RYR1: variants seen among roughly 807,000 people sequenced by gnomAD.
RYR1 encodes the protein ryanodine receptor 1, also known as central core disease of muscle.
RYR1 carries 342 observed loss-of-function variants against 583.5 expected under a neutral mutation model. That is an observed-to-expected ratio of 0.59 (90% CI 0.54 to 0.64). RYR1 has a LOEUF of 0.64. Ranked by LOEUF, RYR1 falls within the 30% of genes least tolerant of loss-of-function variation. The pLI, the probability that RYR1 is intolerant of heterozygous loss-of-function variation, is 0.00. For missense variants in RYR1, 6,032 were observed against 6,917.2 expected, an observed-to-expected ratio of 0.87 and a Z score of 4.54; for synonymous variants, 2,791 against 2,822.5, an observed-to-expected ratio of 0.99 and a Z score of 0.35.
Position 38,488,919 on chromosome 19 carries a change from C to T in RYR1, c.5548-258C>T, listed in dbSNP as rs191016908. Among the ~76,000 whole-genome samples the T allele has an allele frequency of 3.1e-3, 470 of 152,284 alleles. No individual in the cohort carries two copies. Among genetic ancestry groups the T allele is most frequent in the African/African-American group, 0.011 (458 of 41,552 alleles). On this transcript the variant is annotated intron_variant, in intron 34 of 105. Coordinates refer to ENST00000359596, the MANE Select transcript of RYR1 (RefSeq NM_000540.3). ...GCTTAGGCTTGGGAGAAAGGACACTCGCCTGTGATGGGAGAGGCACTCATA... is the reference window on the plus strand; with the variant it reads ...GCTTAGGCTTGGGAGAAAGGACACTTGCCTGTGATGGGAGAGGCACTCATA...
chr19:38,555,855 A>G (rs1455066732), intron 89 of RYR1, among the ~76,000 whole-genome samples: 1 of 152,106 alleles, frequency 6.6e-6, no homozygotes, highest in Admixed American at 6.5e-5. Context: ...AGCAATATGT[A>G]TATTTTTAAA....
At position 38,494,468 on chromosome 19, in the gene RYR1, C is replaced by T. The variant is rs776859251; in HGVS notation, c.6391C>T (p.Leu2131=). 1.7e-5 allele frequency: 27 copies of T among 1,612,784 alleles called. No individual in the cohort carries two copies. Among genetic ancestry groups the T allele is most frequent in the Non-Finnish European group, 2.0e-5 (24 of 1,180,028 alleles). ...FSLLHRQYDG[L]GELLRALPRA... is the part of the protein sequence containing the mutation. Reference sequence around the variant, plus strand: ...CCTCCTGCACCGGCAGTACGACGGGCTGGGTGAGCTGCTGCGTGCCCTGCC... The same window carrying T: ...CCTCCTGCACCGGCAGTACGACGGGTTGGGTGAGCTGCTGCGTGCCCTGCC... Residue 2131 remains leucine (L), a synonymous_variant, in exon 39 of 106, where the codon CTG becomes TTG. Coordinates refer to ENST00000359596, the MANE Select transcript of RYR1 (RefSeq NM_000540.3).
chr19:38,497,967 C>T (rs1969923015), intron 42 of RYR1, among the ~76,000 whole-genome samples: 1 of 151,662 alleles, frequency 6.6e-6, no homozygotes, highest in Non-Finnish European at 1.5e-5. Context: ...GAGCGAGACC[C>T]CTTAAAAAAA....
intron 56 of RYR1, 134 bp from the exon 57 acceptor site, chr19:38,506,689 GAGCACC>G: frequency 6.7e-7 from 1 of 1,487,924 alleles, no homozygotes; most frequent in Non-Finnish European, 9.2e-7. Flanking sequence ...GTAATGAGAT[GAGCACC>G]AGCAAGCAAT....
intron 25 of RYR1, 149 bp downstream of exon 25, chr19:38,467,961 A>T: frequency 1.4e-6 from 1 of 697,476 alleles, no homozygotes; most frequent in Non-Finnish European, 2.5e-6. Context: ...CATCCATTCA[A>T]CCAATGATTC....
chr19:38,502,827 G>A (rs983279040), intron 48 of RYR1, 53 bp from the exon 49 acceptor site: 3 of 1,555,002 alleles, frequency 1.9e-6, no homozygotes, highest in South Asian at 1.2e-5. Context: ...AGGGGCAGGG[G>A]CAGCAGAGCG....
intron 57 of RYR1, 121 bp from the exon 58 acceptor site, chr19:38,507,591 A>G (rs1970530653): frequency 1.1e-5 from 8 of 740,466 alleles, no homozygotes; most frequent in Non-Finnish European, 1.0e-5. Flanking sequence ...TGGAGCCCCA[A>G]CCTGGGGTGA....
intron 20 of RYR1, among the ~76,000 whole-genome samples, chr19:38,461,721 G>GGAA (rs1568456198): frequency 1.3e-5 from 1 of 75,108 alleles, no homozygotes; most frequent in Non-Finnish European, 2.4e-5. Context: ...GCAAAACCCT[G>GGAA]AAAAAAAAAA....
chr19:38,583,599 C>G (rs1974315912), intron 101 of RYR1, among the ~76,000 whole-genome samples: 1 of 152,090 alleles, frequency 6.6e-6, no homozygotes, highest in South Asian at 2.1e-4. Context: ...GTCGAATCAC[C>G]CTGCCGTGGC....
intron 23 of RYR1, among the ~76,000 whole-genome samples, 154 bp downstream of exon 23, chr19:38,464,876 G>T (rs1450213513): frequency 6.6e-6 from 1 of 151,990 alleles, no homozygotes; most frequent in African/African-American, 2.4e-5. Flanking sequence ...CAGGGCTCTG[G>T]GGTCAGAGGT....
chr19:38,536,120 A>T, intron 82 of RYR1, 50 bp downstream of exon 82: 1 of 1,397,008 alleles, frequency 7.2e-7, no homozygotes, highest in South Asian at 1.2e-5. Flanking sequence ...TTCCTTTGGG[A>T]TTCCTCCCAC....
chr19:38,464,374 A>G lies in RYR1; in HGVS notation c.2787-265A>G, dbSNP rs75609634. On this transcript the variant is annotated intron_variant, in intron 22 of 105. Transcript: ENST00000359596. ...AGAGAGAAAGAAAAGGTGGGGATGG[A>G]AAGAGAGAGAGATGCAGAAAGAGAC... 0.029 allele frequency among the ~76,000 whole-genome samples: 4,342 copies of G among 151,420 alleles called. 205 individuals carry two copies. Among genetic ancestry groups the G allele is most frequent in the African/African-American group, 0.1 (4,110 of 41,276 alleles).
At chr19:38,518,753 A>T (rs1421602890) in intron 66 of RYR1, among the ~76,000 whole-genome samples, 1 of 152,062 alleles carries the variant, frequency 6.6e-6, no homozygotes, top group African/African-American at 2.4e-5. Context: ...ACATGGTGAA[A>T]CCCCATCTCT....
intron 48 of RYR1, 74 bp from the exon 49 acceptor site, chr19:38,502,806 G>C: frequency 9.3e-7 from 1 of 1,073,696 alleles, no homozygotes; most frequent in East Asian, 3.7e-5. Flanking sequence ...GGCAGGGGCA[G>C]GGGGAGGAGC....
At chr19:38,585,910 G>A (rs768110165) in intron 102 of RYR1, 28 bp from the exon 103 acceptor site, 55 of 1,613,912 alleles carry the variant, frequency 3.4e-5, no homozygotes, top group Non-Finnish European at 4.3e-5. Context: ...TCAGAGGTCG[G>A]GCACTGACTT....
rs140356628 is a variant in RYR1 at position 38,570,959 on chromosome 19, C to T, written c.13746+266C>T. Among the ~76,000 whole-genome samples, 1,022 of 152,348 alleles carry T rather than the reference C, an allele frequency of 6.7e-3. 9 individuals are homozygous for T. The highest frequency in any genetic ancestry group is 0.02 in the African/African-American group (839 of 41,570). On this transcript the variant is annotated intron_variant, in intron 94 of 105. Coordinates refer to ENST00000359596, the MANE Select transcript of RYR1 (RefSeq NM_000540.3). ...CAGGAGCTGAGTTCTCTGCTCAGCT[C>T]GGCCACATGCCAGTCCTGTGCGCCT...
chr19:38,476,591 C>T (rs1423145088), intron 29 of RYR1, among the ~76,000 whole-genome samples: 1 of 152,102 alleles, frequency 6.6e-6, no homozygotes, highest in Non-Finnish European at 1.5e-5. Flanking sequence ...CCTCAGACTC[C>T]CAAAGTACTG....
intron 11 of RYR1, among the ~76,000 whole-genome samples, chr19:38,449,412 T>TATC (rs1444970793): frequency 6.6e-6 from 1 of 151,832 alleles, no homozygotes; most frequent in Non-Finnish European, 1.5e-5. Flanking sequence ...AGTGAGCCAA[T>TATC]ATCGTGCCAT....
chr19:38,522,962 C>G (rs1440738773), intron 67 of RYR1, 66 bp from the exon 68 acceptor site: 12 of 1,306,274 alleles, frequency 9.2e-6, no homozygotes. Flanking sequence ...TCCAAGATCT[C>G]TCTCTGGGCA....
Sources: allele counts gnomAD v4.1 joint callset (sites outside exome capture counted in the v4.1 genomes callset), GRCh38; gene constraint gnomAD v4.1.1; transcripts MANE v1.5; gene names NCBI Gene and HGNC (gene_info 2026-07-23, HGNC 2026-07-21).